HERC2: variants seen among roughly 807,000 people sequenced by gnomAD.
HERC2 encodes HECT and RLD domain containing E3 ubiquitin protein ligase 2.
Under a neutral mutation model 537.7 loss-of-function variants are expected in HERC2, and 102 were observed. The observed-to-expected ratio is 0.19, with a 90% CI of 0.16 to 0.22. The LOEUF (loss-of-function observed/expected upper bound fraction) is 0.22, where lower values mean the gene tolerates loss of function less well. Among genes scored for constraint, HERC2 ranks in the 10% least tolerant of loss-of-function variants. The pLI is 1.00. For missense variants in HERC2, 4,236 were observed against 6,198.2 expected, an observed-to-expected ratio of 0.68 and a Z score of 10.63; for synonymous variants, 2,224 against 2,466.2, an observed-to-expected ratio of 0.90 and a Z score of 2.91.
In HERC2 at chr15:28,254,524, A is replaced by T. The variant is rs374790779; in HGVS notation, c.2872-6T>A. On this transcript the variant is annotated splice_region_variant and splice_polypyrimidine_tract_variant and intron_variant, in intron 19 of 92. Coordinates refer to ENST00000261609, the MANE Select transcript of HERC2 (RefSeq NM_004667.6). ...TCTTTTTTGGCTTCAATATCCTGTA[A>T]TTCATAAAAAGAAATTGTTTACAAG... 6.4e-7 allele frequency: 1 copy of T among 1,574,160 alleles called. No homozygotes were observed. The highest frequency in any genetic ancestry group is 1.4e-5 in the African/African-American group (1 of 72,632).
In HERC2 at chr15:28,176,411, G is replaced by A; in HGVS notation, c.9686+17C>T. ...TGCACAAGCACACACAGTGTGACAG[G>A]GAGGACGTTTACGTACCATGTCCAC... is the stretch of plus-strand genomic sequence containing the variant. On this transcript the variant is annotated intron_variant, in intron 63 of 92. Transcript: ENST00000261609. The surrounding 1 kb of genome is among the most constrained non-coding windows in gnomAD (Gnocchi z 5.0). 1 of 1,613,164 alleles carries A rather than the reference G, an allele frequency of 6.2e-7. No homozygotes were observed. Among genetic ancestry groups the A allele is most frequent in the Non-Finnish European group, 8.5e-7 (1 of 1,179,262 alleles).
chr15:28,147,651 C>G (rs1891900896), intron 70 of HERC2, among the ~76,000 whole-genome samples: 1 of 150,956 alleles, frequency 6.6e-6, no homozygotes, highest in Non-Finnish European at 1.5e-5. Context: ...TCTCACACCT[C>G]ATTCTAAAAG....
At chr15:28,318,523 GA>G (rs1398407241) in intron 2 of HERC2, among the ~76,000 whole-genome samples, 2 of 152,126 alleles carry the variant, frequency 1.3e-5, no homozygotes, top group Non-Finnish European at 2.9e-5. Flanking sequence ...AGCTACTCGG[GA>G]GGCTGAGGCA....
chr15:28,111,950 C>T lies in HERC2; in HGVS notation c.14318G>A (p.Cys4773Tyr). The change falls in exon 93 of 93, where the codon TGC (cysteine) becomes TAC (tyrosine). Residue 4773 changes from cysteine (C) to tyrosine (Y), a missense_variant. Around this residue, in one of 27 missense-constraint regions of HERC2, gnomAD observed 313 missense variants for 462.6 expected, o/e 0.68. Coordinates refer to ENST00000261609, the MANE Select transcript of HERC2 (RefSeq NM_004667.6). ...GAGCTTCTCCTCCAGCACCTGCTTG[C>T]AGGAATACCTGGGCAGCTTCAGCAA... ...FFLLKLPRYS[C>Y]KQVLEEKLKY... 2 of 1,614,156 alleles carry T rather than the reference C, an allele frequency of 1.2e-6. No individual in the cohort carries two copies. The highest frequency in any genetic ancestry group is 1.7e-6 in the Non-Finnish European group (2 of 1,180,026).
Position 28,272,225 on chromosome 15 carries a change from C to T in HERC2, c.1073G>A (p.Gly358Asp). The change falls in exon 9 of 93, where the codon GGC becomes GAC. Residue 358 changes from glycine to aspartate, a missense_variant. By Grantham distance (94) the Gly-to-Asp change is moderately conservative. Around this residue, in one of 27 missense-constraint regions of HERC2, gnomAD observed 491 missense variants for 559.3 expected, o/e 0.88. Coordinates refer to ENST00000261609, the MANE Select transcript of HERC2 (RefSeq NM_004667.6). ...CATCATGACACTCACGTGCATGTCG[C>T]CCTCGGAGTGGGGTGCATCCTTCCT... is the stretch of plus-strand genomic sequence containing the variant. ...ICRKDAPHSE[G>D]DMHLLSGPLS... 1 of 1,599,862 alleles carries T rather than the reference C, an allele frequency of 6.3e-7. No individual in the cohort carries two copies. Among genetic ancestry groups the T allele is most frequent in the South Asian group, 1.1e-5 (1 of 88,080 alleles).
Position 28,260,913 on chromosome 15 carries a change from T to A in HERC2, c.2180A>T (p.Asp727Val). Residue 727 changes from aspartate to valine, a missense_variant, in exon 16 of 93, where the codon GAC becomes GTC. Transcript: ENST00000261609. ...GSTHCLALTE[D>V]SEVHSWGSND... ...GCTCCCCCAGCTGTGGACCTCGCTG[T>A]CCTCAGTCAGAGCCAGGCAGTGGGT... 1.2e-6 allele frequency: 2 copies of A among 1,614,184 alleles called. No individual in the cohort carries two copies. The highest frequency in any genetic ancestry group is 1.7e-6 in the Non-Finnish European group (2 of 1,180,032).
chr15:28,168,647 G>C, intron 66 of HERC2, 57 bp from the exon 67 acceptor site: 1 of 1,511,488 alleles, frequency 6.6e-7, no homozygotes. Flanking sequence ...CTGCAGCACA[G>C]GAAGTGGAGA....
intron 52 of HERC2, among the ~76,000 whole-genome samples, 198 bp from the exon 53 acceptor site, chr15:28,192,349 C>T (rs1270805331): frequency 6.6e-6 from 1 of 152,108 alleles, no homozygotes; most frequent in East Asian, 1.9e-4. Context: ...CCACATAATG[C>T]TATGATTTAT....
In HERC2 at chr15:28,132,148, G is replaced by A. The variant is rs138275754; in HGVS notation, c.12522C>T (p.Tyr4174=). The A allele has an allele frequency of 2.3e-5, 37 of 1,613,162 alleles. No individual in the cohort carries two copies. The highest frequency in any genetic ancestry group is 3.3e-4 in the Middle Eastern group (2 of 6,058). Residue 4174 remains tyrosine (Y), a synonymous_variant, in exon 81 of 93, where the codon TAC becomes TAT. Transcript: ENST00000261609. The part of the protein sequence containing the change: ...DTVWSWGDGD[Y]GKLGRGGSDG... ...CGCTGCCTCCCCGGCCGAGCTTGCCGTAGTCCCCGTCCCCCCAGGACCAGA... is the reference window on the plus strand; with the variant it reads ...CGCTGCCTCCCCGGCCGAGCTTGCCATAGTCCCCGTCCCCCCAGGACCAGA...
chr15:28,219,182 T>C (rs1900251410), intron 37 of HERC2, among the ~76,000 whole-genome samples: 1 of 152,228 alleles, frequency 6.6e-6, no homozygotes, highest in Non-Finnish European at 1.5e-5. Context: ...CAAGCGCTGG[T>C]TTCTGATGAG....
At chr15:28,254,581 G>T (rs1393177917) in intron 19 of HERC2, 63 bp from the exon 20 acceptor site, 98 of 1,178,600 alleles carry the variant, frequency 8.3e-5, no homozygotes, top group Non-Finnish European at 1.1e-4. Context: ...AGACACACAG[G>T]CTGGCTGAGC....
chr15:28,183,580 C>G (rs1430127352), intron 56 of HERC2, among the ~76,000 whole-genome samples: 1 of 152,174 alleles, frequency 6.6e-6, no homozygotes, highest in Non-Finnish European at 1.5e-5. Context: ...GTACACAGGA[C>G]AGTGTTAGAT....
intron 34 of HERC2, 33 bp downstream of exon 34, chr15:28,229,162 T>A: frequency 6.3e-7 from 1 of 1,574,980 alleles, no homozygotes; most frequent in Non-Finnish European, 8.7e-7. Flanking sequence ...AAAGGCAAAC[T>A]ATAAAATAAC....
chr15:28,242,237 C>T (rs1903203145), intron 23 of HERC2, among the ~76,000 whole-genome samples: 1 of 152,120 alleles, frequency 6.6e-6, no homozygotes, highest in African/African-American at 2.4e-5. Context: ...GCGGTGATGG[C>T]TATTAAACAA....
In HERC2 at chr15:28,176,679, C is replaced by A; in HGVS notation, c.9514+8G>T. On this transcript the variant is annotated splice_region_variant and intron_variant, in intron 62 of 92. Transcript: ENST00000261609. The surrounding 1 kb of genome is among the most constrained non-coding windows in gnomAD (Gnocchi z 5.0). ...ACCCAGAAGCACAGAATCCTGCCAG[C>A]CACTCACCTTCATCGGTCAGAGCCA... 6.2e-7 allele frequency: 1 copy of A among 1,614,068 alleles called. No homozygotes were observed. Among genetic ancestry groups the A allele is most frequent in the Non-Finnish European group, 8.5e-7 (1 of 1,179,964 alleles).
intron 57 of HERC2, among the ~76,000 whole-genome samples, chr15:28,180,685 G>C (rs1342161249): frequency 6.6e-6 from 1 of 152,142 alleles, no homozygotes; most frequent in Non-Finnish European, 1.5e-5. Context: ...TTGGTCCTCT[G>C]TATCCATAGG....
Position 28,260,625 on chromosome 15 carries a change from A to T in HERC2, c.2316+152T>A, listed in dbSNP as rs1291641107. On this transcript the variant is annotated intron_variant, in intron 16 of 92. Transcript: ENST00000261609. ...AATTGTCCATGAAGAAAACCCAAGG[A>T]AACTACAGTGAAGCTCATAATAAAT... The T allele has an allele frequency of 4.7e-6, 3 of 637,226 alleles. No individual in the cohort carries two copies. In the African/African-American group the frequency reaches 5.5e-5, roughly 12 times the overall value. The allele number at this position is 637,226 out of a possible 1,614,324, so 39.5% of individuals were successfully genotyped here. A position where few individuals can be genotyped will look rare whatever the true frequency, so the allele number is the denominator to read the frequency against.
intron 4 of HERC2, among the ~76,000 whole-genome samples, chr15:28,281,191 T>C (rs1389222322): frequency 6.6e-6 from 1 of 152,180 alleles, no homozygotes; most frequent in East Asian, 1.9e-4. Context: ...CTTCTATGTA[T>C]CTTTGAAAAT....
At chr15:28,126,525 T>C (rs957647784) in intron 83 of HERC2, among the ~76,000 whole-genome samples, 1 of 152,234 alleles carries the variant, frequency 6.6e-6, no homozygotes, top group Non-Finnish European at 1.5e-5. Flanking sequence ...ATGTGGTATA[T>C]ATACACCATG....
Sources: gnomAD v4.1 joint callset for allele counts (sites outside exome capture counted in the v4.1 genomes callset) on GRCh38, gnomAD v4.1.1 for gene constraint, gnomAD v4.1.1 regional missense constraint, Gnocchi (gnomAD v3.1) non-coding constraint, MANE v1.5 for transcripts, NCBI Gene and HGNC (gene_info 2026-07-23, HGNC 2026-07-21) for gene names.